EDA2R: variants seen among roughly 807,000 people sequenced by gnomAD.
EDA2R encodes tumor necrosis factor receptor superfamily member 27.
In EDA2R, 26 loss-of-function variants were observed where a neutral mutation model predicts 20.1. That is an observed-to-expected ratio of 1.30 (90% CI 0.95 to 1.80). The LOEUF (loss-of-function observed/expected upper bound fraction) is 1.80, where lower values mean the gene tolerates loss of function less well. EDA2R is among the 40% of genes most tolerant of loss of function. EDA2R has a pLI of 0.00. For missense variants in EDA2R, 277 were observed against 228.7 expected, an observed-to-expected ratio of 1.21 and a Z score of -1.36; for synonymous variants, 114 against 88.7, an observed-to-expected ratio of 1.29 and a Z score of -1.60.
At position 66,599,676 on chromosome X, in the gene EDA2R, A is replaced by G. The variant is rs754362319; in HGVS notation, c.702T>C (p.Phe234=). 8.3e-7 allele frequency: 1 copy of G among 1,208,672 alleles called. No individual in the cohort carries two copies. Among genetic ancestry groups the G allele is most frequent in the Non-Finnish European group, 1.1e-6 (1 of 894,149 alleles). Residue 234 remains phenylalanine, a synonymous_variant, in exon 6 of 7, where the codon TTT becomes TTC. Transcript: ENST00000374719. ...TCTCTGAGGTGCAGGAGGCCATGGT[A>G]AAGGACTCCTGTGTGGGGAAGCCAC... is the stretch of plus-strand genomic sequence containing the variant. The part of the protein sequence containing the change: ...STSGFPTQES[F]TMASCTSESH...
chrX:66,605,369 G>T, intron 2 of EDA2R, 143 bp from the exon 3 acceptor site: 1 of 429,785 alleles, frequency 2.3e-6, no homozygotes, highest in Non-Finnish European at 3.8e-6. Context: ...CTAGCTTCCA[G>T]CCAGCATTGA....
Position 66,605,053 on chromosome X carries a change from C to A in EDA2R, c.261G>T (p.Leu87Phe), listed in dbSNP as rs1216447298. 8.3e-7 allele frequency: 1 copy of A among 1,200,719 alleles called. No homozygotes were observed. The highest frequency in any genetic ancestry group is 1.1e-6 in the Non-Finnish European group (1 of 889,988). The part of the protein sequence containing the change: ...ATSNAVCGDC[L>F]PRFYRKTRIG... ...GTCTCATAAAGCAAGCTCACCTGGG[C>A]AAACAGTCCCCACAGACAGCATTAG... The change falls in exon 3 of 7, where the codon TTG (leucine) becomes TTT (phenylalanine). Residue 87 changes from leucine to phenylalanine, a missense_variant. Leu to Phe is a conservative substitution (Grantham distance 22). Coordinates refer to ENST00000374719, the MANE Select transcript of EDA2R (RefSeq NM_021783.5).
intron 2 of EDA2R, among the ~76,000 whole-genome samples, chrX:66,613,075 G>A (rs762796335): frequency 9.0e-6 from 1 of 110,573 alleles, no homozygotes; most frequent in African/African-American, 3.3e-5. Context: ...AACATAAAAG[G>A]GTATTTACCT....
chrX:66,621,750 G>A (rs1428644651), intron 1 of EDA2R, among the ~76,000 whole-genome samples: 1 of 111,988 alleles, frequency 8.9e-6, no homozygotes, highest in African/African-American at 3.2e-5. Context: ...GGGAGAAAGG[G>A]AAATGGGAAG....
intron 2 of EDA2R, 48 bp downstream of exon 2, chrX:66,615,886 G>T (rs183924159): frequency 1.4e-4 from 155 of 1,076,500 alleles, no homozygotes; most frequent in Middle Eastern, 1.2e-3. Flanking sequence ...TTGCCGGGCT[G>T]GTTCCTAAGA....
At chrX:66,620,460 C>A (rs1355475950) in intron 1 of EDA2R, among the ~76,000 whole-genome samples, 1 of 111,131 alleles carries the variant, frequency 9.0e-6, no homozygotes, top group African/African-American at 3.3e-5. Context: ...AGACTAAATC[C>A]CCAAATGTAA....
At chrX:66,625,581 C>T (rs1202455822) in intron 1 of EDA2R, among the ~76,000 whole-genome samples, 2 of 111,418 alleles carry the variant, frequency 1.8e-5, no homozygotes, top group Non-Finnish European at 3.8e-5. Flanking sequence ...CCCTACCCAC[C>T]ATGGTAGCTG....
At position 66,599,803 on chromosome X, in the gene EDA2R, AC is replaced by A; in HGVS notation, c.574del (p.Val192CysfsTer13). 1 of 1,209,000 alleles carries A rather than the reference AC, an allele frequency of 8.3e-7. No homozygotes were observed. Among genetic ancestry groups the A allele is most frequent in the Non-Finnish European group, 1.1e-6 (1 of 894,317 alleles). On this transcript the variant is annotated frameshift_variant, in exon 6 of 7. Transcript: ENST00000374719. LOFTEE classifies it high-confidence loss of function. ...KTAKEESLFP[V>X]PPSKETSAES... ...AGCACTGGTCTCCTTGCTGGGTGGCACGGGGAAGAGAGATTCCTCCTTTGCT... is the reference window on the plus strand; with the variant it reads ...AGCACTGGTCTCCTTGCTGGGTGGCAGGGGAAGAGAGATTCCTCCTTTGCT...
chrX:66,631,506 C>A (rs904187254), intron 1 of EDA2R, among the ~76,000 whole-genome samples: 1 of 111,612 alleles, frequency 9.0e-6, no homozygotes, highest in African/African-American at 3.3e-5. Context: ...GTATTGAACT[C>A]TAAAATAGAG....
rs781461355 is a variant in EDA2R at position 66,636,307 on chromosome X, C to A, written c.-11+2688G>T. On this transcript the variant is annotated intron_variant, in intron 1 of 6. Coordinates refer to ENST00000374719, the MANE Select transcript of EDA2R (RefSeq NM_021783.5). ...ATCACTATGAAGACATACTCATACC[C>A]CAATTTATATACTTCAAAACCACAG... 9.0e-5 allele frequency among the ~76,000 whole-genome samples: 10 copies of A among 111,661 alleles called. No homozygotes were observed. The South Asian group carries it at 3.8e-3, about 42-fold the overall frequency.
intron 4 of EDA2R, among the ~76,000 whole-genome samples, chrX:66,604,078 T>TATA (rs1290682489): frequency 9.0e-6 from 1 of 111,499 alleles, no homozygotes; most frequent in African/African-American, 3.3e-5. Flanking sequence ...ATATACTTCA[T>TATA]ATAATAATAA....
At chrX:66,636,731 A>C (rs1934361156) in intron 1 of EDA2R, among the ~76,000 whole-genome samples, 1 of 110,689 alleles carries the variant, frequency 9.0e-6, no homozygotes, top group South Asian at 3.9e-4. Flanking sequence ...GCACTGTGCT[A>C]GACCCTTGGC....
intron 1 of EDA2R, among the ~76,000 whole-genome samples, chrX:66,638,048 C>A (rs1417767511): frequency 1.8e-5 from 2 of 112,018 alleles, no homozygotes; most frequent in Non-Finnish European, 3.8e-5. Flanking sequence ...TACTTGGCAG[C>A]CTCTAAGCAT....
chrX:66,612,786 T>C (rs1404404285), intron 2 of EDA2R, among the ~76,000 whole-genome samples: 4 of 111,595 alleles, frequency 3.6e-5, no homozygotes, highest in African/African-American at 1.3e-4. Context: ...GACTATCAAA[T>C]TGTACTCAAT....
At chrX:66,602,283 G>A (rs937041526) in intron 5 of EDA2R, among the ~76,000 whole-genome samples, 4 of 111,509 alleles carry the variant, frequency 3.6e-5, no homozygotes, top group African/African-American at 1.3e-4. Context: ...GAGGTCTGAA[G>A]AGGCTAGATG....
chrX:66,608,036 T>C (rs960444910), intron 2 of EDA2R, among the ~76,000 whole-genome samples: 27 of 111,558 alleles, frequency 2.4e-4, no homozygotes, highest in African/African-American at 8.1e-4. Context: ...AATTGTAAAA[T>C]GGAACCAAAC....
chrX:66,621,604 T>C (rs1765623209), intron 1 of EDA2R, among the ~76,000 whole-genome samples: 1 of 112,427 alleles, frequency 8.9e-6, no homozygotes, highest in African/African-American at 3.2e-5. Flanking sequence ...TGCAATAACA[T>C]GAATGAACGT....
At chrX:66,620,981 A>AT (rs1335074753) in intron 1 of EDA2R, among the ~76,000 whole-genome samples, 2 of 102,895 alleles carry the variant, frequency 1.9e-5, no homozygotes, top group Non-Finnish European at 3.9e-5. Context: ...AAAAAAAAAA[A>AT]AAAAAAAATA....
intron 1 of EDA2R, among the ~76,000 whole-genome samples, chrX:66,625,643 T>A (rs1349505098): frequency 9.0e-6 from 1 of 111,700 alleles, no homozygotes; most frequent in Non-Finnish European, 1.9e-5. Flanking sequence ...GTACTACTGG[T>A]TCCTCTCCAT....
Sources: gnomAD v4.1 joint callset for allele counts (sites outside exome capture counted in the v4.1 genomes callset) on GRCh38, gnomAD v4.1.1 for gene constraint, MANE v1.5 for transcripts, NCBI Gene and HGNC (gene_info 2026-07-23, HGNC 2026-07-21) for gene names.